PRELID2: variants seen among roughly 807,000 people sequenced by gnomAD.
The protein encoded by PRELID2 is PRELI domain-containing protein 2.
Under a neutral mutation model 28.4 loss-of-function variants are expected in PRELID2, and 25 were observed. That is an observed-to-expected ratio of 0.88 (90% CI 0.64 to 1.23). PRELID2 has a LOEUF of 1.23. PRELID2 is among the 50% of genes most tolerant of loss of function. PRELID2 has a pLI of 0.00. For synonymous variants in PRELID2, 76 were observed against 71.6 expected (o/e 1.06, Z -0.31); for missense variants, 201 against 214.4 (o/e 0.94, Z 0.39).
chr5:145,566,663 A>G (rs1752969813), intron 1 of PRELID2, among the ~76,000 whole-genome samples: 1 of 152,092 alleles, frequency 6.6e-6, no homozygotes, highest in Non-Finnish European at 1.5e-5. Flanking sequence ...AACATGGTGA[A>G]ATTCTGTCTC....
chr5:145,229,679 C>A, the PRELID2 span: 1 of 766,222 alleles, frequency 1.3e-6, no homozygotes, highest in Non-Finnish European at 2.4e-6. Context: ...CAGTAGGCAC[C>A]ATCCTTTACC....
At chr5:145,313,457 C>T in the PRELID2 span, among the ~76,000 whole-genome samples, 3 of 152,220 alleles carry the variant, frequency 2.0e-5, no homozygotes, top group East Asian at 5.8e-4. Context: ...GTGATTAATG[C>T]TCCATTTGTG....
At chr5:145,519,584 T>C (rs1200776283) in intron 1 of PRELID2, among the ~76,000 whole-genome samples, 1 of 152,210 alleles carries the variant, frequency 6.6e-6, no homozygotes, top group African/African-American at 2.4e-5. Flanking sequence ...CCGATGAGGC[T>C]TTATTAGCCA....
At chr5:145,674,513 A>G (rs1459919936) in intron 1 of PRELID2, among the ~76,000 whole-genome samples, 1 of 152,234 alleles carries the variant, frequency 6.6e-6, no homozygotes, top group East Asian at 1.9e-4. Flanking sequence ...CAGATTCAGC[A>G]TCTGAAATTA....
At chr5:145,672,585 T>G (rs1211595216) in intron 1 of PRELID2, among the ~76,000 whole-genome samples, 1 of 151,652 alleles carries the variant, frequency 6.6e-6, no homozygotes, top group Non-Finnish European at 1.5e-5. Flanking sequence ...CATCTCTTCA[T>G]CATGTAACAG....
At chr5:145,621,013 A>C (rs1753766976) in intron 1 of PRELID2, among the ~76,000 whole-genome samples, 4 of 152,212 alleles carry the variant, frequency 2.6e-5, no homozygotes, top group African/African-American at 9.6e-5. Context: ...AGAAAAACTA[A>C]CTGCCAAAAA....
chr5:145,567,287 C>T (rs1752975083), intron 1 of PRELID2, among the ~76,000 whole-genome samples: 1 of 152,142 alleles, frequency 6.6e-6, no homozygotes, highest in Non-Finnish European at 1.5e-5. Context: ...GTGATTGAAT[C>T]ATGAGGGTGG....
the PRELID2 span, among the ~76,000 whole-genome samples, chr5:145,282,356 T>C: frequency 2.5e-4 from 38 of 152,234 alleles, no homozygotes; most frequent in African/African-American, 8.9e-4. Context: ...TACTAAAAGG[T>C]GAATGTCTTG....
the PRELID2 span, among the ~76,000 whole-genome samples, chr5:145,363,181 G>A: frequency 6.7e-6 from 1 of 150,060 alleles, no homozygotes; most frequent in Non-Finnish European, 1.5e-5. Flanking sequence ...ACCCTAGTGA[G>A]AAAGAATAGC....
At chr5:145,689,544 T>A (rs1418811846) in intron 1 of PRELID2, among the ~76,000 whole-genome samples, 1 of 152,182 alleles carries the variant, frequency 6.6e-6, no homozygotes, top group East Asian at 1.9e-4. Context: ...GTAACAAAGA[T>A]GACTTTGAGC....
chr5:145,416,261 T>C, the PRELID2 span, among the ~76,000 whole-genome samples: 1 of 152,046 alleles, frequency 6.6e-6, no homozygotes, highest in Middle Eastern at 3.4e-3. Flanking sequence ...TATACAAAAA[T>C]TAATTCAAGA....
chr5:145,745,669 C>T (rs1232454330), intron 1 of PRELID2, among the ~76,000 whole-genome samples: 2 of 152,060 alleles, frequency 1.3e-5, no homozygotes, highest in African/African-American at 4.8e-5. Flanking sequence ...TGAGACCAGC[C>T]TAGCCAACAT....
chr5:145,637,002 A>T (rs1754012147), intron 1 of PRELID2, among the ~76,000 whole-genome samples: 1 of 152,172 alleles, frequency 6.6e-6, no homozygotes, highest in African/African-American at 2.4e-5. Context: ...TCAAGGCAGA[A>T]CACAGTCAAG....
At chr5:145,660,028 G>A (rs2149676455) in intron 1 of PRELID2, among the ~76,000 whole-genome samples, 1 of 152,214 alleles carries the variant, frequency 6.6e-6, no homozygotes, top group East Asian at 1.9e-4. Context: ...CAGTGTCAAA[G>A]GGATTGAGCA....
At chr5:145,465,672 A>G in the PRELID2 span, among the ~76,000 whole-genome samples, 6 of 152,182 alleles carry the variant, frequency 3.9e-5, no homozygotes, top group South Asian at 1.2e-3. Context: ...GAACTCTATG[A>G]GTTAATGATA....
intron 4 of PRELID2, among the ~76,000 whole-genome samples, chr5:145,807,235 G>A (rs575794733): frequency 6.6e-6 from 1 of 152,256 alleles, no homozygotes; most frequent in South Asian, 2.1e-4. Context: ...AGACTGAAAT[G>A]TTGTAGGCAG....
intron 1 of PRELID2, among the ~76,000 whole-genome samples, chr5:145,620,555 C>A (rs186442550): frequency 2.3e-3 from 353 of 152,260 alleles, no homozygotes; most frequent in African/African-American, 8.2e-3. Flanking sequence ...AAATATAAAA[C>A]TTCTCTAAAA....
rs561386238 is a variant in PRELID2, at chr5:145,757,033, T to C, written c.*3503A>G. Among the ~76,000 whole-genome samples, 1 of 152,314 alleles carries C rather than the reference T, an allele frequency of 6.6e-6. No homozygotes were observed. Among genetic ancestry groups the C allele is most frequent in the South Asian group, 2.1e-4 (1 of 4,826 alleles). ...TTAATTATCCCCAGTAGACTGTGTTTGCAAAAGCAGAGAAATGTATACTAA... is the reference window on the plus strand; with the variant it reads ...TTAATTATCCCCAGTAGACTGTGTTCGCAAAAGCAGAGAAATGTATACTAA... On this transcript the variant is annotated 3_prime_UTR_variant, in exon 7 of 7. Transcript: ENST00000683046.
the PRELID2 span, among the ~76,000 whole-genome samples, chr5:145,230,487 G>A: frequency 1.3e-5 from 2 of 152,086 alleles, no homozygotes; most frequent in African/African-American, 4.8e-5. Flanking sequence ...GCTGAGACAG[G>A]AGAATTGCTT....
Sources: allele counts gnomAD v4.1 joint callset (sites outside exome capture counted in the v4.1 genomes callset), GRCh38; gene constraint gnomAD v4.1.1; transcripts MANE v1.5; gene names NCBI Gene and HGNC (gene_info 2026-07-23, HGNC 2026-07-21).